MOB3B: variants seen among roughly 807,000 people sequenced by gnomAD.
The protein encoded by MOB3B is MOB kinase activator-like 2B.
In MOB3B, 7 loss-of-function variants were observed where a neutral mutation model predicts 18.7. The observed-to-expected ratio is 0.37, with a 90% CI of 0.21 to 0.70. The LOEUF (loss-of-function observed/expected upper bound fraction) is 0.70. Among genes scored for constraint, MOB3B ranks in the 30% least tolerant of loss-of-function variants. The pLI is 0.52. For synonymous variants in MOB3B, 111 were observed against 99.9 expected (o/e 1.11, Z -0.66); for missense variants, 253 against 281.3 (o/e 0.90, Z 0.72).
At chr9:27,527,729 T>C (rs901518152) in intron 1 of MOB3B, among the ~76,000 whole-genome samples, 2 of 152,242 alleles carry the variant, frequency 1.3e-5, no homozygotes, top group African/African-American at 4.8e-5. Context: ...TGCAAGGCTA[T>C]GGGGTAGCAT....
intron 2 of MOB3B, among the ~76,000 whole-genome samples, chr9:27,368,125 C>T (rs58785915): frequency 0.012 from 1,801 of 152,240 alleles, 39 homozygotes; most frequent in African/African-American, 0.042. Context: ...GGCAGCGTGG[C>T]TGAGAACACA....
chr9:27,491,847 T>G (rs979699350), intron 1 of MOB3B, among the ~76,000 whole-genome samples: 2 of 152,212 alleles, frequency 1.3e-5, no homozygotes, highest in Non-Finnish European at 2.9e-5. Context: ...CACTCCAGCC[T>G]GGGCGACAGA....
intron 1 of MOB3B, among the ~76,000 whole-genome samples, chr9:27,499,957 C>T (rs1174001234): frequency 2.0e-5 from 3 of 152,120 alleles, no homozygotes; most frequent in African/African-American, 7.2e-5. Context: ...TTTCCATCTA[C>T]AATCAACCTT....
chr9:27,482,629 T>C (rs4879517), intron 1 of MOB3B, among the ~76,000 whole-genome samples: 138,567 of 152,204 alleles, frequency 0.91, 63,571 homozygotes, highest in East Asian at 1. Flanking sequence ...CCTCTGCCTC[T>C]ACACCATTGC....
chr9:27,402,267 G>A (rs1466933177), intron 2 of MOB3B, among the ~76,000 whole-genome samples: 3 of 152,186 alleles, frequency 2.0e-5, no homozygotes, highest in East Asian at 1.9e-4. Flanking sequence ...CCCCCGATCA[G>A]AGGACCTTTA....
intron 2 of MOB3B, among the ~76,000 whole-genome samples, chr9:27,367,436 G>A (rs1821356305): frequency 6.6e-6 from 1 of 152,220 alleles, no homozygotes; most frequent in African/African-American, 2.4e-5. Context: ...ATGTGTCACT[G>A]GGGGTTTAGG....
At chr9:27,404,981 T>C (rs1821944531) in intron 2 of MOB3B, among the ~76,000 whole-genome samples, 1 of 152,100 alleles carries the variant, frequency 6.6e-6, no homozygotes, top group South Asian at 2.1e-4. Flanking sequence ...GGATATCTCA[T>C]TGCAGTTTTA....
At position 27,389,113 on chromosome 9, in the gene MOB3B, C is replaced by T. The variant is rs997641146; in HGVS notation, c.419-29877G>A. Among the ~76,000 whole-genome samples, 7 of 152,112 alleles carry T rather than the reference C, an allele frequency of 4.6e-5. No individual in the cohort carries two copies. In the South Asian group the frequency reaches 1.4e-3, roughly 31 times the overall value. ...TTCCAATAAAATCCAAGCCCTTTGC[C>T]GTGGACTGAAAAAGGCTTATATCAG... is the stretch of plus-strand genomic sequence containing the variant. On this transcript the variant is annotated intron_variant, in intron 2 of 3. Transcript: ENST00000262244.
chr9:27,515,494 T>C (rs1299866370), intron 1 of MOB3B, among the ~76,000 whole-genome samples: 1 of 152,238 alleles, frequency 6.6e-6, no homozygotes, highest in African/African-American at 2.4e-5. Context: ...TAGTATCATG[T>C]ACATTGCATA....
intron 1 of MOB3B, among the ~76,000 whole-genome samples, chr9:27,510,379 T>A (rs931298290): frequency 1.3e-5 from 2 of 152,198 alleles, no homozygotes; most frequent in East Asian, 3.8e-4. Flanking sequence ...CCATCTTAAT[T>A]TGGATATTGG....
At chr9:27,481,612 G>A (rs1819657405) in intron 1 of MOB3B, among the ~76,000 whole-genome samples, 1 of 145,596 alleles carries the variant, frequency 6.9e-6, no homozygotes, top group African/African-American at 2.6e-5. Context: ...TGCAAGCTCC[G>A]CCTCCCAGGT....
chr9:27,342,701 C>T (rs1195812540), intron 3 of MOB3B, among the ~76,000 whole-genome samples: 2 of 152,194 alleles, frequency 1.3e-5, no homozygotes, highest in East Asian at 1.9e-4. Context: ...CTCCTGACCA[C>T]GAGTGATCTG....
chr9:27,372,904 G>A (rs1174358396), intron 2 of MOB3B, among the ~76,000 whole-genome samples: 3 of 152,216 alleles, frequency 2.0e-5, no homozygotes, highest in African/African-American at 7.2e-5. Context: ...TGTGACAAAT[G>A]TTTTGTGAGA....
Position 27,517,924 on chromosome 9 carries a change from T to TGAGGGATGTCTCAG in MOB3B, c.-199+11630_-199+11631insCTGAGACATCCCTC, listed in dbSNP as rs372758674. On this transcript the variant is annotated intron_variant, in intron 1 of 3. Coordinates refer to ENST00000262244, the MANE Select transcript of MOB3B (RefSeq NM_024761.5). ...ATTCCAAGCTTCTTCTCAGGCTACC[T>TGAGGGATGTCTCAG]GCGGGGAGGGATGTTGGCAGGAAGA... Among the ~76,000 whole-genome samples, 5 of 152,256 alleles carry TGAGGGATGTCTCAG rather than the reference T, an allele frequency of 3.3e-5. No homozygotes were observed. The East Asian group carries it at 9.7e-4, about 29-fold the overall frequency.
At chr9:27,409,634 A>C (rs1326028118) in intron 2 of MOB3B, among the ~76,000 whole-genome samples, 1 of 152,190 alleles carries the variant, frequency 6.6e-6, no homozygotes, top group Non-Finnish European at 1.5e-5. Context: ...CTTGTACCTC[A>C]ATGGTCATCT....
chr9:27,349,758 C>T (rs889166019), intron 3 of MOB3B, among the ~76,000 whole-genome samples: 3 of 152,138 alleles, frequency 2.0e-5, no homozygotes, highest in Admixed American at 1.3e-4. Context: ...AAATGTTGAG[C>T]AGAAGGTACT....
At chr9:27,452,572 A>C (rs114867344) in intron 2 of MOB3B, among the ~76,000 whole-genome samples, 2 of 152,226 alleles carry the variant, frequency 1.3e-5, no homozygotes, top group Non-Finnish European at 2.9e-5. Context: ...TACATAATTT[A>C]AAAATGGGCA....
At chr9:27,350,146 C>G (rs1378620805) in intron 3 of MOB3B, among the ~76,000 whole-genome samples, 2 of 151,446 alleles carry the variant, frequency 1.3e-5, no homozygotes, top group Admixed American at 6.6e-5. Context: ...GTTGGAAAAG[C>G]CTTTTCAAGT....
At chr9:27,347,465 A>C (rs781211728) in intron 3 of MOB3B, among the ~76,000 whole-genome samples, 1 of 152,238 alleles carries the variant, frequency 6.6e-6, no homozygotes. Flanking sequence ...TGGGGTTTGC[A>C]TAATGGGTGC....
Sources: gnomAD v4.1 joint callset for allele counts (sites outside exome capture counted in the v4.1 genomes callset) on GRCh38, gnomAD v4.1.1 for gene constraint, MANE v1.5 for transcripts, NCBI Gene and HGNC (gene_info 2026-07-23, HGNC 2026-07-21) for gene names.